The following ENTHD1 variants were observed in gnomAD, a reference collection of about 807,000 sequenced individuals.
ENTHD1 encodes ENTH domain containing 1.
In ENTHD1, 23 loss-of-function variants were observed where a neutral mutation model predicts 39.1. That is an observed-to-expected ratio of 0.59 (90% CI 0.42 to 0.83). The LOEUF is 0.83. ENTHD1 is among the 40% of genes least tolerant of loss of function. The probability of loss-of-function intolerance (pLI) is 0.00; values close to 1 mark genes in which losing one functional copy is unlikely to be tolerated. For missense variants in ENTHD1, 624 were observed against 705.4 expected, an observed-to-expected ratio of 0.88 and a Z score of 1.31; for synonymous variants, 230 against 258.2, an observed-to-expected ratio of 0.89 and a Z score of 1.05.
intron 6 of ENTHD1, chr22:39,750,504 T>TA (rs58031726): frequency 1.1e-4 from 16 of 150,230 alleles, no homozygotes; most frequent in Admixed American, 3.4e-4. Flanking sequence ...AAGCTGCAAT[T>TA]AAAAAAAAAA....
At chr22:39,794,268 T>A (rs986914975) in intron 5 of ENTHD1, among the ~76,000 whole-genome samples, 1 of 152,160 alleles carries the variant, frequency 6.6e-6, no homozygotes, top group Non-Finnish European at 1.5e-5. Context: ...TATTTCATTA[T>A]TGGTGTATAG....
At chr22:39,764,786 A>G (rs559134253) in intron 6 of ENTHD1, among the ~76,000 whole-genome samples, 124 of 151,594 alleles carry the variant, frequency 8.2e-4, no homozygotes, top group African/African-American at 3.0e-3. Flanking sequence ...CTTTTGTGCA[A>G]TCAGTACACA....
intron 2 of ENTHD1, among the ~76,000 whole-genome samples, chr22:39,864,613 T>A (rs575407679): frequency 6.6e-6 from 1 of 152,018 alleles, no homozygotes; most frequent in South Asian, 2.1e-4. Context: ...TCTGCAAGAG[T>A]GACTGGCACA....
At position 39,867,725 on chromosome 22, in the gene ENTHD1, G is replaced by T. The variant is rs1333139046; in HGVS notation, c.350-5718C>A. ...AAGTTTCCAGGATAGAAAACCTTCA[G>T]TTGGTTGCAGTGAGCCGAGATCGCG... On this transcript the variant is annotated intron_variant, in intron 2 of 6. Coordinates refer to ENST00000325157, the MANE Select transcript of ENTHD1 (RefSeq NM_152512.4). This position sits in a 1 kb window ranked among gnomAD's most constrained non-coding sequence, Gnocchi z 4.5. 1.3e-5 allele frequency among the ~76,000 whole-genome samples: 2 copies of T among 151,914 alleles called. No individual in the cohort carries two copies. Among genetic ancestry groups the T allele is most frequent in the Admixed American group, 1.3e-4 (2 of 15,258 alleles).
rs576967520 is a variant in ENTHD1, at chr22:39,743,315, A to G, written c.*364T>C. ...ACAAGCTCCATACAGTTGAAAGATA[A>G]AGAGCTTCTTCCTGCCTCCTTATCC... On this transcript the variant is annotated 3_prime_UTR_variant, in exon 7 of 7. Transcript: ENST00000325157. 5.1e-5 allele frequency: 9 copies of G among 175,032 alleles called. No individual in the cohort carries two copies. Among genetic ancestry groups the G allele is most frequent in the Middle Eastern group, 2.6e-3 (1 of 384 alleles). The allele number at this position is 175,032 out of a possible 1,614,324, so 10.8% of individuals were successfully genotyped here. A position where few individuals can be genotyped will look rare whatever the true frequency, so the allele number is the denominator to read the frequency against.
intron 3 of ENTHD1, among the ~76,000 whole-genome samples, chr22:39,839,210 G>T (rs754182646): frequency 6.6e-6 from 1 of 152,190 alleles, no homozygotes; most frequent in African/African-American, 2.4e-5. Context: ...ACTGAAAAGC[G>T]GTAATATAAG....
At chr22:39,785,278 C>G (rs2065446343) in intron 5 of ENTHD1, among the ~76,000 whole-genome samples, 1 of 152,182 alleles carries the variant, frequency 6.6e-6, no homozygotes, top group African/African-American at 2.4e-5. Context: ...GAGTACCTGC[C>G]CCATTCCACA....
chr22:39,871,172 A>AAAAT (rs58727605), intron 2 of ENTHD1, among the ~76,000 whole-genome samples: 21,613 of 141,140 alleles, frequency 0.15, 1,819 homozygotes, highest in East Asian at 0.27. Flanking sequence ...CCCATCTTCT[A>AAAAT]AAATAAATAA....
intron 4 of ENTHD1, among the ~76,000 whole-genome samples, chr22:39,825,415 C>A (rs780558920): frequency 6.6e-6 from 1 of 152,062 alleles, no homozygotes; most frequent in African/African-American, 2.4e-5. Context: ...TTTTTCTGTA[C>A]CTTCTTTGTT....
chr22:39,762,533 C>T (rs188454044), intron 6 of ENTHD1, among the ~76,000 whole-genome samples: 105 of 152,160 alleles, frequency 6.9e-4, no homozygotes, highest in Non-Finnish European at 1.3e-3. Context: ...CTCCCTGTAG[C>T]CTCAACCTCT....
intron 4 of ENTHD1, among the ~76,000 whole-genome samples, chr22:39,829,400 A>G (rs1176850634): frequency 6.6e-6 from 1 of 151,918 alleles, no homozygotes; most frequent in Non-Finnish European, 1.5e-5. Context: ...AAAATAGGTG[A>G]CTATTTCTTT....
chr22:39,869,910 A>T lies in ENTHD1; in HGVS notation c.350-7903T>A, dbSNP rs561504132. On this transcript the variant is annotated intron_variant, in intron 2 of 6. Coordinates refer to ENST00000325157, the MANE Select transcript of ENTHD1 (RefSeq NM_152512.4). ...AAACTACAGTCATTGAGATTTTTTT[A>T]AAAAAATTCAACATCCAAGGTAAAA... Among the ~76,000 whole-genome samples the T allele has an allele frequency of 1.2e-3, 183 of 152,062 alleles. 1 individual carries two copies. The highest frequency in any genetic ancestry group is 3.3e-3 in the African/African-American group (138 of 41,550).
At position 39,874,968 on chromosome 22, in the gene ENTHD1, A is replaced by T. The variant is rs2066275139; in HGVS notation, c.349+12432T>A. Among the ~76,000 whole-genome samples the T allele has an allele frequency of 2.0e-5, 3 of 152,240 alleles. No individual in the cohort carries two copies. In the South Asian group the frequency reaches 6.2e-4, roughly 31 times the overall value. On this transcript the variant is annotated intron_variant, in intron 2 of 6. Transcript: ENST00000325157. The stretch of plus-strand genomic sequence containing the variant: ...TCATATTTAATGGTTTCTACAACCC[A>T]GAAATTTCACTCTTCAGGATATACC...
At chr22:39,772,675 T>C (rs917957356) in intron 5 of ENTHD1, among the ~76,000 whole-genome samples, 6 of 152,014 alleles carry the variant, frequency 3.9e-5, no homozygotes, top group Non-Finnish European at 7.4e-5. Flanking sequence ...GTAAATGCAA[T>C]TAACAGGCAC....
chr22:39,821,682 C>T (rs778617387), intron 4 of ENTHD1, among the ~76,000 whole-genome samples: 5 of 152,124 alleles, frequency 3.3e-5, no homozygotes, highest in Admixed American at 2.6e-4. Context: ...TAGTCCATTC[C>T]GGTCACTATA....
intron 3 of ENTHD1, among the ~76,000 whole-genome samples, chr22:39,836,741 G>A (rs1443082380): frequency 6.6e-6 from 1 of 152,134 alleles, no homozygotes; most frequent in Admixed American, 6.6e-5. Flanking sequence ...GGTTCATGGG[G>A]CAGATTTCCC....
At chr22:39,803,794 A>G (rs923932154) in intron 5 of ENTHD1, among the ~76,000 whole-genome samples, 1 of 152,210 alleles carries the variant, frequency 6.6e-6, no homozygotes, top group Non-Finnish European at 1.5e-5. Context: ...AATACTTCTC[A>G]TCAGTATCAA....
Position 39,887,386 on chromosome 22 carries a change from T to G in ENTHD1, c.349+14A>C. On this transcript the variant is annotated intron_variant, in intron 2 of 6. Coordinates refer to ENST00000325157, the MANE Select transcript of ENTHD1 (RefSeq NM_152512.4). ...CCACCACACCCAGCTTATATAAACT[T>G]CTTTAACCATTACCTTGGTCTTTTC... 2 of 1,584,550 alleles carry G rather than the reference T, an allele frequency of 1.3e-6. No homozygotes were observed. Among genetic ancestry groups the G allele is most frequent in the Non-Finnish European group, 1.7e-6 (2 of 1,166,206 alleles).
intron 2 of ENTHD1, among the ~76,000 whole-genome samples, chr22:39,863,748 T>A (rs1601652423): frequency 6.6e-6 from 1 of 152,316 alleles, no homozygotes; most frequent in Non-Finnish European, 1.5e-5. Context: ...TGAATTAAAG[T>A]ATTAATGTTT....
Sources: gnomAD v4.1 joint callset for allele counts (sites outside exome capture counted in the v4.1 genomes callset) on GRCh38, gnomAD v4.1.1 for gene constraint, Gnocchi (gnomAD v3.1) non-coding constraint, MANE v1.5 for transcripts, NCBI Gene and HGNC (gene_info 2026-07-23, HGNC 2026-07-21) for gene names.